ZNF791: variants seen among roughly 807,000 people sequenced by gnomAD.
ZNF791 encodes the protein zinc finger protein 791.
A neutral mutation model predicts 11.5 loss-of-function variants in ZNF791; 4 were observed. That is an observed-to-expected ratio of 0.35 (90% CI 0.17 to 0.80). The LOEUF (loss-of-function observed/expected upper bound fraction) is 0.80. ZNF791 is among the 30% of genes least tolerant of loss of function. The pLI, the probability that ZNF791 is intolerant of heterozygous loss-of-function variation, is 0.53. For missense variants in ZNF791, 559 were observed against 699.4 expected, an observed-to-expected ratio of 0.80 and a Z score of 2.26; for synonymous variants, 212 against 228.1, an observed-to-expected ratio of 0.93 and a Z score of 0.64.
chr19:12,616,251 T>C (rs758018160), intron 1 of ZNF791, among the ~76,000 whole-genome samples: 1 of 152,208 alleles, frequency 6.6e-6, no homozygotes, highest in Non-Finnish European at 1.5e-5. Context: ...TCAGGTCTTT[T>C]GCTCATTTTT....
At chr19:12,617,333 C>T (rs930208091) in intron 1 of ZNF791, among the ~76,000 whole-genome samples, 1 of 151,304 alleles carries the variant, frequency 6.6e-6, no homozygotes, top group African/African-American at 2.4e-5. Flanking sequence ...ACCATGTTGG[C>T]CAGGCTGGTC....
intron 3 of ZNF791, among the ~76,000 whole-genome samples, chr19:12,625,612 C>T (rs1213987033): frequency 1.3e-5 from 2 of 149,440 alleles, no homozygotes; most frequent in African/African-American, 2.5e-5. Flanking sequence ...CAGTGAAAAC[C>T]TGTCTCTACT....
Position 12,628,903 on chromosome 19 carries a change from T to G in ZNF791, c.1374T>G (p.His458Gln). The G allele has an allele frequency of 6.2e-7, 1 of 1,613,482 alleles. No homozygotes were observed. The highest frequency in any genetic ancestry group is 8.5e-7 in the Non-Finnish European group (1 of 1,179,736). The stretch of plus-strand genomic sequence containing the variant: ...TTTTTCCTAGTGCGTTACGAACACA[T>G]GAAAGAACTCACACTGGAGAGAAAC... ...VFIFPSALRT[H>Q]ERTHTGEKPY... Residue 458 changes from histidine (H) to glutamine (Q), a missense_variant, in exon 4 of 4, where the codon CAT becomes CAG. Transcript: ENST00000343325.
At chr19:12,614,609 T>C (rs2023211286) in intron 1 of ZNF791, among the ~76,000 whole-genome samples, 1 of 150,938 alleles carries the variant, frequency 6.6e-6, no homozygotes, top group Non-Finnish European at 1.5e-5. Context: ...TTTTTTTTTT[T>C]TGGAAACGGA....
chr19:12,614,892 C>CTTGTTTTTTTTT (rs2023218208), intron 1 of ZNF791, among the ~76,000 whole-genome samples: 1 of 17,548 alleles, frequency 5.7e-5, no homozygotes, highest in Non-Finnish European at 1.3e-4. Context: ...TGCGTCCGGC[C>CTTGTTTTTTTTT]TTTTTTTTTT....
In ZNF791 at chr19:12,623,870, T is replaced by TGG. The variant is rs767345076; in HGVS notation, c.130+51_130+52dup. On this transcript the variant is annotated intron_variant, in intron 2 of 3. Coordinates refer to ENST00000343325, the MANE Select transcript of ZNF791 (RefSeq NM_153358.3). Reference sequence around the variant, plus strand: ...TTTCTTTTTTCTTTTTTTTTTTTTTTGGGGGGGGACAGAGTTTCACTATTG... The same window carrying TGG: ...TTTCTTTTTTCTTTTTTTTTTTTTTTGGGGGGGGGGACAGAGTTTCACTATTG... 5,121 of 712,260 alleles carry TGG rather than the reference T, an allele frequency of 7.2e-3. 235 individuals carry two copies. Among genetic ancestry groups the TGG allele is most frequent in the African/African-American group, 0.037 (1,778 of 48,056 alleles). The allele number at this position is 712,260 out of a possible 1,614,324, so 44.1% of individuals were successfully genotyped here. A position where few individuals can be genotyped will look rare whatever the true frequency, so the allele number is the denominator to read the frequency against.
intron 1 of ZNF791, among the ~76,000 whole-genome samples, chr19:12,612,922 A>G (rs1217183761): frequency 6.6e-6 from 1 of 151,348 alleles, no homozygotes; most frequent in East Asian, 1.9e-4. Flanking sequence ...GAGGAGCCAC[A>G]GGCAGATGCT....
rs1223067661 is a variant in ZNF791 at position 12,631,306 on chromosome 19, A to C, written c.*2046A>C. The C allele has an allele frequency of 6.6e-6, 1 of 152,210 alleles. No homozygotes were observed. The highest frequency in any genetic ancestry group is 1.5e-5 in the Non-Finnish European group (1 of 68,030). 9.4% of individuals were successfully genotyped at this position (152,210 alleles called of 1,614,324 possible). A position where few individuals can be genotyped will look rare whatever the true frequency, so the allele number is the denominator to read the frequency against. ...ATACCATCTAGATTTGTGTAAGTTC[A>C]CTTTGTGATGTTTGTACCATGAGGA... is the stretch of plus-strand genomic sequence containing the variant. On this transcript the variant is annotated 3_prime_UTR_variant, in exon 4 of 4. Coordinates refer to ENST00000343325, the MANE Select transcript of ZNF791 (RefSeq NM_153358.3).
chr19:12,624,210 T>C (rs2023395186), intron 2 of ZNF791, among the ~76,000 whole-genome samples: 1 of 142,478 alleles, frequency 7.0e-6, no homozygotes, highest in Non-Finnish European at 1.5e-5. Context: ...TGGAGTGCAG[T>C]GGCGGGATCT....
intron 1 of ZNF791, among the ~76,000 whole-genome samples, chr19:12,620,235 G>A (rs2023318479): frequency 6.6e-6 from 1 of 152,020 alleles, no homozygotes; most frequent in Non-Finnish European, 1.5e-5. Context: ...GAGTGCAGTG[G>A]TATAGTTATG....
intron 3 of ZNF791, among the ~76,000 whole-genome samples, chr19:12,627,192 A>G (rs905323375): frequency 7.8e-6 from 1 of 127,780 alleles, no homozygotes; most frequent in African/African-American, 2.6e-5. Context: ...AAATGAAACC[A>G]AAAAAAAAAA....
intron 1 of ZNF791, among the ~76,000 whole-genome samples, chr19:12,620,025 G>A (rs2145184825): frequency 6.6e-6 from 1 of 151,816 alleles, no homozygotes. Context: ...CCGGGTTCCC[G>A]CCATTCTCCT....
chr19:12,622,349 T>TA lies in ZNF791; in HGVS notation c.4-1344dup, dbSNP rs992212602. Among the ~76,000 whole-genome samples, 16 of 51,892 alleles carry TA rather than the reference T, an allele frequency of 3.1e-4. 1 individual carries two copies. Among genetic ancestry groups the TA allele is most frequent in the Admixed American group, 9.1e-4 (4 of 4,378 alleles). 34.0% of individuals were successfully genotyped at this position (51,892 alleles called of 152,430 possible). A position where few individuals can be genotyped will look rare whatever the true frequency, so the allele number is the denominator to read the frequency against. On this transcript the variant is annotated intron_variant, in intron 1 of 3. Coordinates refer to ENST00000343325, the MANE Select transcript of ZNF791 (RefSeq NM_153358.3). ...GTGAGAAACACCCAAGAATTATCAA[T>TA]AAAAAAATAAATTAAAAAAAATAAT...
At chr19:12,616,547 C>T (rs1455332819) in intron 1 of ZNF791, among the ~76,000 whole-genome samples, 1 of 152,090 alleles carries the variant, frequency 6.6e-6, no homozygotes, top group Non-Finnish European at 1.5e-5. Flanking sequence ...AAAAAATTAG[C>T]CCAATGTGGG....
At chr19:12,626,424 C>T (rs1449927898) in intron 3 of ZNF791, among the ~76,000 whole-genome samples, 1 of 151,286 alleles carries the variant, frequency 6.6e-6, no homozygotes, top group Non-Finnish European at 1.5e-5. Flanking sequence ...GCTGGGATTA[C>T]AGGGGTGAGC....
At chr19:12,621,655 G>T (rs1306084158) in intron 1 of ZNF791, among the ~76,000 whole-genome samples, 1 of 148,104 alleles carries the variant, frequency 6.8e-6, no homozygotes, top group African/African-American at 2.5e-5. Context: ...GGCCTCTCAT[G>T]TATAACAAAA....
chr19:12,618,583 T>A (rs1243670575), intron 1 of ZNF791, among the ~76,000 whole-genome samples: 2 of 151,376 alleles, frequency 1.3e-5, no homozygotes, highest in Non-Finnish European at 2.9e-5. Context: ...GCCAACATGG[T>A]GAAACCCTGT....
intron 1 of ZNF791, 166 bp from the exon 2 acceptor site, chr19:12,623,534 A>G: frequency 1.3e-6 from 1 of 769,594 alleles, no homozygotes; most frequent in Non-Finnish European, 2.1e-6. Flanking sequence ...CACAGTGAAG[A>G]TGTAGCTATA....
At chr19:12,622,893 CAAAAAAAAAAAA>C (rs34772341) in intron 1 of ZNF791, among the ~76,000 whole-genome samples, 1 of 93,736 alleles carries the variant, frequency 1.1e-5, no homozygotes, top group Non-Finnish European at 2.1e-5. Context: ...GACTCCGTCT[CAAAAAAAAAAAA>C]AAAAAGAAAG....
Sources: gnomAD v4.1 joint callset for allele counts (sites outside exome capture counted in the v4.1 genomes callset) on GRCh38, gnomAD v4.1.1 for gene constraint, MANE v1.5 for transcripts, NCBI Gene and HGNC (gene_info 2026-07-23, HGNC 2026-07-21) for gene names.